DOK1: variants seen among roughly 807,000 people sequenced by gnomAD.
DOK1 encodes the protein docking protein 1, also known as Downstream of tyrosine kinase 1.
DOK1 carries 12 observed loss-of-function variants against 24.0 expected under a neutral mutation model. That is an observed-to-expected ratio of 0.50 (90% CI 0.32 to 0.81). DOK1 has a LOEUF of 0.81. Ranked by LOEUF, DOK1 falls within the 30% of genes least tolerant of loss-of-function variation. The probability of loss-of-function intolerance (pLI) is 0.03; values close to 1 mark genes in which losing one functional copy is unlikely to be tolerated. For missense variants in DOK1, 591 were observed against 620.7 expected, an observed-to-expected ratio of 0.95 and a Z score of 0.51; for synonymous variants, 250 against 260.9, an observed-to-expected ratio of 0.96 and a Z score of 0.40.
chr2:74,554,120 G>C (rs1677212346), upstream of DOK1: 1 of 152,940 alleles, frequency 6.5e-6, no homozygotes, highest in African/African-American at 2.4e-5. The surrounding 1 kb of genome is among the most constrained non-coding windows in gnomAD (Gnocchi z 4.9). Context: ...GCTGGCCACT[G>C]CCGCGCCCCC....
rs545235848 is a variant in DOK1 at position 74,557,072 on chromosome 2, A to G, written c.1404A>G (p.Val468=). The change falls in exon 5 of 5, where the codon GTA becomes GTG. Residue 468 remains valine, a synonymous_variant. Coordinates refer to ENST00000233668, the MANE Select transcript of DOK1 (RefSeq NM_001381.5). ...SGSWDCGLSR[V]GTDKTGVKSE... is the part of the protein sequence containing the mutation. ...GCTGGGACTGTGGGCTCTCTAGAGT[A>G]GGGACTGACAAGACTGGGGTCAAGT... 584 of 1,613,540 alleles carry G rather than the reference A, an allele frequency of 3.6e-4. 13 individuals are homozygous for G. In the South Asian group the frequency reaches 6.0e-3, roughly 17 times the overall value.
At chr2:74,549,904 G>T (rs960586516), upstream of DOK1, 16 of 985,356 alleles carry the variant, frequency 1.6e-5, no homozygotes, top group Non-Finnish European at 1.8e-5. The surrounding 1 kb of genome is among the most constrained non-coding windows in gnomAD (Gnocchi z 5.3). Context: ...GATGTCTCAG[G>T]AAAGCAGGAA....
In DOK1 at chr2:74,554,819, T is replaced by TC; in HGVS notation, c.60+6dup. ...AGTCAGCGCTTTGGGACCAAGGTAG[T>TC]CTGGCGCATGGATGCCGAACCTTAT... On this transcript the variant is annotated splice_donor_region_variant and intron_variant, in intron 1 of 4. Transcript: ENST00000233668. This position sits in a 1 kb window ranked among gnomAD's most constrained non-coding sequence, Gnocchi z 4.9. 6.2e-7 allele frequency: 1 copy of TC among 1,614,030 alleles called. No individual in the cohort carries two copies. Among genetic ancestry groups the TC allele is most frequent in the African/African-American group, 1.3e-5 (1 of 75,058 alleles).
Position 74,555,302 on chromosome 2 carries a change from G to A in DOK1, c.209G>A (p.Cys70Tyr). The change falls in exon 2 of 5, where the codon TGT (cysteine) becomes TAT (tyrosine). Residue 70 changes from cysteine to tyrosine, a missense_variant. Physicochemically the swap from Cys to Tyr is radical, Grantham distance 194. Coordinates refer to ENST00000233668, the MANE Select transcript of DOK1 (RefSeq NM_001381.5). This position sits in a 1 kb window ranked among gnomAD's most constrained non-coding sequence, Gnocchi z 6.1. ...TGCAAAGTGATCCGTCTGGCTGAGT[G>A]TGTGAGTGTGGCCCCCGTCACCGTG... ...LDCKVIRLAE[C>Y]VSVAPVTVET... 6.2e-7 allele frequency: 1 copy of A among 1,614,132 alleles called. No individual in the cohort carries two copies. Among genetic ancestry groups the A allele is most frequent in the Non-Finnish European group, 8.5e-7 (1 of 1,180,008 alleles).
Position 74,555,431 on chromosome 2 carries a change from C to T in DOK1, c.338C>T (p.Thr113Met). The change falls in exon 2 of 5, where the codon ACG (threonine) becomes ATG (methionine). Residue 113 changes from threonine (T) to methionine (M), a missense_variant. Transcript: ENST00000233668. This position sits in a 1 kb window ranked among gnomAD's most constrained non-coding sequence, Gnocchi z 6.1. ...CCGTCCAGTGCAGCCTGGGTGCAGA[C>T]GCTGTGCCGAAACGCCTTTCCGGTG... ...DAPSSAAWVQTLCRNAFPKGS... is the reference protein window; with the variant it reads ...DAPSSAAWVQMLCRNAFPKGS... 6.2e-7 allele frequency: 1 copy of T among 1,610,176 alleles called. No individual in the cohort carries two copies.
upstream of DOK1, chr2:74,552,891 G>A (rs184237027): frequency 8.8e-5 from 41 of 465,590 alleles, no homozygotes; most frequent in African/African-American, 6.7e-4. Flanking sequence ...AACTATGAGA[G>A]ATCGAGAGTC....
At chr2:74,550,777 T>C (rs1411221022), upstream of DOK1, among the ~76,000 whole-genome samples, 2 of 152,176 alleles carry the variant, frequency 1.3e-5, no homozygotes, top group African/African-American at 2.4e-5. Flanking sequence ...AGCAACTTGC[T>C]TAAGACCATA....
rs995196504 is a variant in DOK1 at position 74,555,101 on chromosome 2, C to T, written c.61-53C>T. 9 of 1,558,858 alleles carry T rather than the reference C, an allele frequency of 5.8e-6. No individual in the cohort carries two copies. In the African/African-American group the frequency reaches 9.5e-5, roughly 16 times the overall value. On this transcript the variant is annotated intron_variant, in intron 1 of 4. Transcript: ENST00000233668. This position sits in a 1 kb window ranked among gnomAD's most constrained non-coding sequence, Gnocchi z 6.1. ...CCGCAACCTCCTTCCCCGTCGGGACCCGGGCCGCCTGCGCACGCCACTCCC... is the reference window on the plus strand; with the variant it reads ...CCGCAACCTCCTTCCCCGTCGGGACTCGGGCCGCCTGCGCACGCCACTCCC...
In DOK1 at chr2:74,554,803, T is replaced by C; in HGVS notation, c.49T>C (p.Phe17Leu). The change falls in exon 1 of 5, where the codon TTT becomes CTT. Residue 17 changes from phenylalanine (F) to leucine (L), a missense_variant. Coordinates refer to ENST00000233668, the MANE Select transcript of DOK1 (RefSeq NM_001381.5). This position sits in a 1 kb window ranked among gnomAD's most constrained non-coding sequence, Gnocchi z 4.9. The stretch of plus-strand genomic sequence containing the variant: ...GCCGCTTTTTTTGCAGAGTCAGCGC[T>C]TTGGGACCAAGGTAGTCTGGCGCAT... ...EGPLFLQSQR[F>L]GTKRWRKTWA... 1.9e-6 allele frequency: 3 copies of C among 1,613,860 alleles called. No individual in the cohort carries two copies. In the South Asian group the frequency reaches 3.3e-5, roughly 18 times the overall value.
chr2:74,550,108 A>G (rs1280158459), upstream of DOK1: 45 of 1,517,092 alleles, frequency 3.0e-5, no homozygotes, highest in Admixed American at 1.3e-4. Flanking sequence ...ACTACCTTCT[A>G]ATGTCTCCGC....
rs1454104149 is a variant in DOK1, at chr2:74,555,986, C to T, written c.547C>T (p.Leu183=). Residue 183 remains leucine, a synonymous_variant, in exon 4 of 5, where the codon CTG becomes TTG. Transcript: ENST00000233668. The surrounding 1 kb of genome is among the most constrained non-coding windows in gnomAD (Gnocchi z 6.1). The part of the protein sequence containing the change: ...SYVLRVEAER[L]TLLTVGAQSQ... Reference sequence around the variant, plus strand: ...CGTGCTGAGGGTGGAGGCTGAAAGGCTGACTCTCCTGACCGTGGGGGCCCA... The same window carrying T: ...CGTGCTGAGGGTGGAGGCTGAAAGGTTGACTCTCCTGACCGTGGGGGCCCA... 2.5e-6 allele frequency: 4 copies of T among 1,613,802 alleles called. No homozygotes were observed. In the Admixed American group the frequency reaches 6.7e-5, roughly 27 times the overall value.
rs781132302 is a variant in DOK1, at chr2:74,554,751, G to T, written c.-4G>T. Reference sequence around the variant, plus strand: ...AGGAAGCGCGGAAGGAACCGCCGGGGGCCATGGACGGAGCAGTGATGGAAG... The same window carrying T: ...AGGAAGCGCGGAAGGAACCGCCGGGTGCCATGGACGGAGCAGTGATGGAAG... On this transcript the variant is annotated 5_prime_UTR_variant, in exon 1 of 5. Transcript: ENST00000233668. The surrounding 1 kb of genome is among the most constrained non-coding windows in gnomAD (Gnocchi z 4.9). 6.2e-7 allele frequency: 1 copy of T among 1,612,466 alleles called. No homozygotes were observed. Among genetic ancestry groups the T allele is most frequent in the South Asian group, 1.1e-5 (1 of 91,054 alleles).
rs1397082901 is a variant in DOK1 at position 74,557,130 on chromosome 2, TGAGGTGGCTAAGGGGGACCATGGG to T, written c.*25_*48del. ...CTCTACCTGAGAAGGACGGCAAGGC[TGAGGTGGCTAAGGGGGACCATGGG>T]GAGGTGGCACTAGGGATCAAAGAAG... On this transcript the variant is annotated 3_prime_UTR_variant, in exon 5 of 5. Coordinates refer to ENST00000233668, the MANE Select transcript of DOK1 (RefSeq NM_001381.5). 32 of 1,595,892 alleles carry T rather than the reference TGAGGTGGCTAAGGGGGACCATGGG, an allele frequency of 2.0e-5. No individual in the cohort carries two copies. The highest frequency in any genetic ancestry group is 2.7e-5 in the African/African-American group (2 of 74,292).
chr2:74,556,545 C>A lies in DOK1; in HGVS notation c.877C>A (p.Pro293Thr). 6.2e-7 allele frequency: 1 copy of A among 1,614,212 alleles called. No individual in the cohort carries two copies. The highest frequency in any genetic ancestry group is 1.1e-5 in the South Asian group (1 of 91,088). The change falls in exon 5 of 5, where the codon CCA becomes ACA. Residue 293 changes from proline (P) to threonine (T), a missense_variant. Pro to Thr is a conservative substitution (Grantham distance 38). Coordinates refer to ENST00000233668, the MANE Select transcript of DOK1 (RefSeq NM_001381.5). The surrounding 1 kb of genome is among the most constrained non-coding windows in gnomAD (Gnocchi z 4.1). ...CCCCCAAGAGCTCCTCGACAGTCCCCCAGCCCTGTATGCTGAGCCCTTAGA... is the reference window on the plus strand; with the variant it reads ...CCCCCAAGAGCTCCTCGACAGTCCCACAGCCCTGTATGCTGAGCCCTTAGA... ...PGPQELLDSP[P>T]ALYAEPLDSL...
chr2:74,557,351 C>A lies in DOK1; in HGVS notation c.*237C>A. 1 of 481,402 alleles carries A rather than the reference C, an allele frequency of 2.1e-6. No homozygotes were observed. Among genetic ancestry groups the A allele is most frequent in the Non-Finnish European group, 3.7e-6 (1 of 269,740 alleles). The allele number at this position is 481,402 out of a possible 1,614,324, so 29.8% of individuals were successfully genotyped here. ...ATCCCCCAAAGCCATCCCTTCCCTA[C>A]TTCCCCAAATGAAGGGACGGCTGTG... is the stretch of plus-strand genomic sequence containing the variant. On this transcript the variant is annotated 3_prime_UTR_variant, in exon 5 of 5. Coordinates refer to ENST00000233668, the MANE Select transcript of DOK1 (RefSeq NM_001381.5).
Position 74,555,919 on chromosome 2 carries a change from G to C in DOK1, c.480G>C (p.Gln160His), listed in dbSNP as rs765051267. The C allele has an allele frequency of 4.2e-5, 67 of 1,610,878 alleles. No homozygotes were observed. Among genetic ancestry groups the C allele is most frequent in the Non-Finnish European group, 5.3e-5 (63 of 1,178,454 alleles). ...GATCCCAATTCTGGGTAACGGTGCA[G>C]AGGACTGAGGCCGCCGAGCGCTGTG... ...WEGSQFWVTVQRTEAAERCGL... is the reference protein window; with the variant it reads ...WEGSQFWVTVHRTEAAERCGL... The change falls in exon 4 of 5, where the codon CAG becomes CAC. Residue 160 changes from glutamine to histidine, a missense_variant. Transcript: ENST00000233668. The surrounding 1 kb of genome is among the most constrained non-coding windows in gnomAD (Gnocchi z 6.1).
At position 74,549,381 on chromosome 2, in the gene DOK1, G is replaced by A. The variant is rs760921521; in HGVS notation, c.-358+209G>A. ...CGCGGCCCCTCACCTGTAGAAGGCC[G>A]CGTTGACCCTCTTTTCGCTGGGGAA... On this transcript the variant is annotated intron_variant, in intron 1 of 4. Coordinates refer to the DOK1 transcript ENST00000409429. This position sits in a 1 kb window ranked among gnomAD's most constrained non-coding sequence, Gnocchi z 5.3. The A allele has an allele frequency of 3.1e-6, 5 of 1,606,468 alleles. No individual in the cohort carries two copies. In the African/African-American group the frequency reaches 6.7e-5, roughly 22 times the overall value.
chr2:74,549,306 A>G lies in DOK1; in HGVS notation c.-358+134A>G. 3.4e-6 allele frequency: 5 copies of G among 1,488,668 alleles called. No individual in the cohort carries two copies. Among genetic ancestry groups the G allele is most frequent in the Non-Finnish European group, 4.5e-6 (5 of 1,113,946 alleles). 92.2% of individuals were successfully genotyped at this position (1,488,668 alleles called of 1,614,324 possible). ...CCCGGACCTGCTCAGATGTCTCCCA[A>G]GGCTATTCATCAGGGAGCACCCCAA... On this transcript the variant is annotated intron_variant, in intron 1 of 4. Coordinates refer to the DOK1 transcript ENST00000409429. The surrounding 1 kb of genome is among the most constrained non-coding windows in gnomAD (Gnocchi z 5.3).
upstream of DOK1, chr2:74,552,309 G>C: frequency 6.3e-7 from 1 of 1,589,322 alleles, no homozygotes; most frequent in Non-Finnish European, 8.6e-7. Flanking sequence ...GATATGCCTG[G>C]ATCATTGCTC....
Sources: gnomAD v4.1 joint callset for allele counts (sites outside exome capture counted in the v4.1 genomes callset) on GRCh38, gnomAD v4.1.1 for gene constraint, Gnocchi (gnomAD v3.1) non-coding constraint, MANE v1.5 for transcripts, NCBI Gene and HGNC (gene_info 2026-07-23, HGNC 2026-07-21) for gene names.